ZNF839: variants seen among roughly 807,000 people sequenced by gnomAD.
The protein encoded by ZNF839 is renal carcinoma antigen NY-REN-50.
Under a neutral mutation model 56.4 loss-of-function variants are expected in ZNF839, and 38 were observed. That is an observed-to-expected ratio of 0.67 (90% CI 0.52 to 0.88). ZNF839 has a LOEUF of 0.88. ZNF839 is among the 40% of genes least tolerant of loss of function. The pLI, the probability that ZNF839 is intolerant of heterozygous loss-of-function variation, is 0.00. For missense variants in ZNF839, 1,091 were observed against 1,177.6 expected, an observed-to-expected ratio of 0.93 and a Z score of 1.08; for synonymous variants, 486 against 493.5, an observed-to-expected ratio of 0.98 and a Z score of 0.20.
Position 102,326,935 on chromosome 14 carries a change from A to G in ZNF839, c.1191+48A>G. On this transcript the variant is annotated intron_variant, in intron 2 of 7. Transcript: ENST00000442396. This position sits in a 1 kb window ranked among gnomAD's most constrained non-coding sequence, Gnocchi z 4.3. ...TGTCTTTTTATTTGGCCGTTCTCGGATTGCTATAAAGAAATACCTGAGACC... is the reference window on the plus strand; with the variant it reads ...TGTCTTTTTATTTGGCCGTTCTCGGGTTGCTATAAAGAAATACCTGAGACC... 1.3e-6 allele frequency: 2 copies of G among 1,502,376 alleles called. No individual in the cohort carries two copies. The highest frequency in any genetic ancestry group is 2.6e-5 in the South Asian group (2 of 76,634). 93.1% of individuals were successfully genotyped at this position (1,502,376 alleles called of 1,614,324 possible). A position where few individuals can be genotyped will look rare whatever the true frequency, so the allele number is the denominator to read the frequency against.
At chr14:102,336,475 A>T (rs1885719435) in intron 5 of ZNF839, among the ~76,000 whole-genome samples, 1 of 150,762 alleles carries the variant, frequency 6.6e-6, no homozygotes, top group African/African-American at 2.4e-5. Context: ...TTTGTATTTT[A>T]GTAGAGACAG....
At chr14:102,338,755 G>C in intron 5 of ZNF839, 61 bp from the exon 6 acceptor site, 1 of 1,594,902 alleles carries the variant, frequency 6.3e-7, no homozygotes, top group Non-Finnish European at 8.6e-7. Flanking sequence ...GCATGTGAAT[G>C]TGCTTCTGGG....
At chr14:102,328,669 C>T (rs1172752551) in intron 2 of ZNF839, among the ~76,000 whole-genome samples, 1 of 151,958 alleles carries the variant, frequency 6.6e-6, no homozygotes, top group Non-Finnish European at 1.5e-5. Flanking sequence ...TTTCCCCCAA[C>T]CTTCGACTTT....
intron 2 of ZNF839, among the ~76,000 whole-genome samples, chr14:102,329,667 G>A (rs1018324429): frequency 1.3e-5 from 2 of 151,766 alleles, no homozygotes; most frequent in African/African-American, 4.8e-5. Flanking sequence ...TTATAGGCAT[G>A]AGCCACTGCA....
In ZNF839 at chr14:102,341,748, C is replaced by T. The variant is rs1445559967; in HGVS notation, c.2353C>T (p.Pro785Ser). 1 of 1,613,918 alleles carries T rather than the reference C, an allele frequency of 6.2e-7. No homozygotes were observed. The highest frequency in any genetic ancestry group is 1.3e-5 in the African/African-American group (1 of 74,930). Residue 785 changes from proline (P) to serine (S), a missense_variant, in exon 8 of 8, where the codon CCC becomes TCC. Around this residue, in one of 3 missense-constraint regions of ZNF839, gnomAD observed 431 missense variants for 468.0 expected, o/e 0.92. Transcript: ENST00000442396. ...VCDFHLNHQQ[P>S]SPTSVLPTEV... ...TGACTTCCACCTGAACCACCAGCAG[C>T]CCAGCCCCACCAGCGTCCTGCCTAC...
At chr14:102,329,772 C>A (rs1235892456) in intron 2 of ZNF839, among the ~76,000 whole-genome samples, 1 of 143,624 alleles carries the variant, frequency 7.0e-6, no homozygotes, top group East Asian at 2.1e-4. Flanking sequence ...AAGATCATAT[C>A]TGCAAATAGA....
chr14:102,330,764 C>T (rs1311103012), intron 2 of ZNF839, among the ~76,000 whole-genome samples: 9 of 152,002 alleles, frequency 5.9e-5, no homozygotes, highest in African/African-American at 7.2e-5. Context: ...GTGATCCACC[C>T]GCCTCGGCCT....
At position 102,335,717 on chromosome 14, in the gene ZNF839, T is replaced by G. The variant is rs2073985413; in HGVS notation, c.1538T>G (p.Phe513Cys). 6.3e-7 allele frequency: 1 copy of G among 1,597,996 alleles called. No homozygotes were observed. ...KVEKDHLAKP[F>C]FPAIYKEFEE... ...GAAAAAGATCATCTAGCAAAGCCTTTTTTCCCAGCTATATATAAGGAATTT... is the reference window on the plus strand; with the variant it reads ...GAAAAAGATCATCTAGCAAAGCCTTGTTTCCCAGCTATATATAAGGAATTT... The change falls in exon 5 of 8, where the codon TTT becomes TGT. Residue 513 changes from phenylalanine (F) to cysteine (C), a missense_variant. By Grantham distance (205) the Phe-to-Cys change is radical (BLOSUM62 -2). Coordinates refer to ENST00000442396, the MANE Select transcript of ZNF839 (RefSeq NM_018335.6).
In ZNF839 at chr14:102,338,923, G is replaced by C. The variant is rs201431440; in HGVS notation, c.1767G>C (p.Glu589Asp). 9.5e-5 allele frequency: 154 copies of C among 1,613,890 alleles called. 1 individual carries two copies. The Middle Eastern group carries it at 9.9e-4, about 10-fold the overall frequency. Residue 589 changes from glutamate (E) to aspartate (D), a missense_variant, in exon 6 of 8, where the codon GAG (glutamate) becomes GAC (aspartate). Physicochemically the swap from Glu to Asp is conservative, Grantham distance 45 (BLOSUM62 2). Transcript: ENST00000442396. ...GAGACATGGATGGGGAGCAGCTAGA[G>C]GGAGCTAGCAGCGAGAAGAGGGAAC... ...LSRDMDGEQL[E>D]GASSEKRERE...
chr14:102,334,770 G>GCAAGACCCTGTC, intron 4 of ZNF839, 124 bp downstream of exon 4: 2 of 435,878 alleles, frequency 4.6e-6, no homozygotes, highest in Non-Finnish European at 7.3e-6. Flanking sequence ...TTGAGACAGG[G>GCAAGACCCTGTC]TCTTGCTCTG....
Position 102,340,046 on chromosome 14 carries a change from C to G in ZNF839, c.1927+823C>G, listed in dbSNP as rs548997041. 2.1e-3 allele frequency among the ~76,000 whole-genome samples: 314 copies of G among 151,940 alleles called. 1 individual carries two copies. The highest frequency in any genetic ancestry group is 7.4e-3 in the African/African-American group (308 of 41,484). The stretch of plus-strand genomic sequence containing the variant: ...GGAGTGCAGTGGCACAATCTCGGCT[C>G]ACTGCAACCTCTGCCTCCTGGGTTC... On this transcript the variant is annotated intron_variant, in intron 7 of 7. Transcript: ENST00000442396.
rs543937086 is a variant in ZNF839 at position 102,335,266 on chromosome 14, G to A, written c.1510-423G>A. 3.5e-3 allele frequency: 572 copies of A among 161,408 alleles called. 6 individuals are homozygous for A. The highest frequency in any genetic ancestry group is 0.013 in the African/African-American group (532 of 41,672). 10.0% of individuals were successfully genotyped at this position (161,408 alleles called of 1,614,324 possible). A position where few individuals can be genotyped will look rare whatever the true frequency, so the allele number is the denominator to read the frequency against. On this transcript the variant is annotated intron_variant, in intron 4 of 7. Transcript: ENST00000442396. ...GCAGCCACAAATAATGGCTATCCTG[G>A]GCTCTCCTAGAACCCACTCGCCCCA... is the stretch of plus-strand genomic sequence containing the variant.
At position 102,326,982 on chromosome 14, in the gene ZNF839, G is replaced by T; in HGVS notation, c.1191+95G>T. On this transcript the variant is annotated intron_variant, in intron 2 of 7. Transcript: ENST00000442396. This position sits in a 1 kb window ranked among gnomAD's most constrained non-coding sequence, Gnocchi z 4.3. ...GACCAGGTATTTTATAAAGAAAAGA[G>T]GGTTGGCTCACGGTTCCATAGACTG... The T allele has an allele frequency of 7.4e-7, 1 of 1,356,422 alleles. No homozygotes were observed. The highest frequency in any genetic ancestry group is 1.5e-5 in the South Asian group (1 of 65,964). 84.0% of individuals were successfully genotyped at this position (1,356,422 alleles called of 1,614,324 possible). A position where few individuals can be genotyped will look rare whatever the true frequency, so the allele number is the denominator to read the frequency against.
At chr14:102,317,787 C>T (rs1044843906), upstream of ZNF839, 3 of 152,146 alleles carry the variant, frequency 2.0e-5, no homozygotes, top group Non-Finnish European at 4.4e-5. Context: ...TTTGTCCCCC[C>T]TCTTTTCTTT....
upstream of ZNF839, chr14:102,319,561 G>A (rs1351867879): frequency 5.4e-6 from 3 of 552,338 alleles, no homozygotes; most frequent in East Asian, 3.8e-5. The surrounding 1 kb of genome is among the most constrained non-coding windows in gnomAD (Gnocchi z 4.5). Context: ...AGGAAAATAA[G>A]GGGGGTCCGC....
Position 102,326,847 on chromosome 14 carries a change from G to T in ZNF839, c.1151G>T (p.Arg384Leu). The T allele has an allele frequency of 6.2e-7, 1 of 1,608,348 alleles. No individual in the cohort carries two copies. The highest frequency in any genetic ancestry group is 8.5e-7 in the Non-Finnish European group (1 of 1,176,802). The change falls in exon 2 of 8, where the codon CGC becomes CTC. Residue 384 changes from arginine to leucine, a missense_variant. Arg to Leu is a moderately radical substitution (Grantham distance 102). This residue lies in a region of ZNF839 where 614 missense variants were observed against 629.2 expected (regional missense o/e 0.98). Transcript: ENST00000442396. The surrounding 1 kb of genome is among the most constrained non-coding windows in gnomAD (Gnocchi z 4.3). ...GCGGATCCATGTGAGGGAGGGGCCC[G>T]CTCCTGCTTGGTGACAGAGTCAGCA... ...MPADPCEGGA[R>L]SCLVTESARG...
At chr14:102,325,829 A>G (rs561840821) in intron 1 of ZNF839, among the ~76,000 whole-genome samples, 156 bp from the exon 2 acceptor site, 1 of 152,186 alleles carries the variant, frequency 6.6e-6, no homozygotes, top group African/African-American at 2.4e-5. Flanking sequence ...AAAGGTCTGG[A>G]AAATACCACC....
chr14:102,326,572 A>G lies in ZNF839; in HGVS notation c.876A>G (p.Glu292=). The change falls in exon 2 of 8, where the codon GAA becomes GAG. Residue 292 remains glutamate, a synonymous_variant. Transcript: ENST00000442396. This position sits in a 1 kb window ranked among gnomAD's most constrained non-coding sequence, Gnocchi z 4.3. ...CAGAACTCTGTGTGGAAGAAGATGA[A>G]GATCAGAGGGAGAGGCACGCACTCT... The part of the protein sequence containing the change: ...DYSELCVEED[E]DQRERHALFD... The G allele has an allele frequency of 6.2e-7, 1 of 1,613,978 alleles. No homozygotes were observed. Among genetic ancestry groups the G allele is most frequent in the Middle Eastern group, 1.6e-4 (1 of 6,062 alleles).
intron 2 of ZNF839, 82 bp from the exon 3 acceptor site, chr14:102,331,540 G>T (rs2073780389): frequency 1.6e-6 from 2 of 1,262,190 alleles, no homozygotes; most frequent in East Asian, 5.1e-5. Context: ...GTGAGCCACG[G>T]CGCCCGGCCA....
Sources: gnomAD v4.1 joint callset for allele counts (sites outside exome capture counted in the v4.1 genomes callset) on GRCh38, gnomAD v4.1.1 for gene constraint, gnomAD v4.1.1 regional missense constraint, Gnocchi (gnomAD v3.1) non-coding constraint, MANE v1.5 for transcripts, NCBI Gene and HGNC (gene_info 2026-07-23, HGNC 2026-07-21) for gene names.